ECSIT: variants seen among roughly 807,000 people sequenced by gnomAD.
ECSIT encodes evolutionarily conserved signaling intermediate in Toll pathway, mitochondrial.
Under a neutral mutation model 36.8 loss-of-function variants are expected in ECSIT, and 29 were observed. The ratio of observed to expected loss-of-function variants is 0.79; its 90% confidence interval spans 0.59 to 1.08. The LOEUF (loss-of-function observed/expected upper bound fraction) is 1.08, where lower values mean the gene tolerates loss of function less well. ECSIT is among the 50% of genes least tolerant of loss of function. ECSIT has a pLI of 0.00. For synonymous variants in ECSIT, 231 were observed against 234.8 expected (o/e 0.98, Z 0.15); for missense variants, 542 against 581.0 (o/e 0.93, Z 0.69).
intron 4 of ECSIT, among the ~76,000 whole-genome samples, chr19:11,511,270 C>T (rs917782571): frequency 2.0e-5 from 3 of 152,168 alleles, no homozygotes; most frequent in Admixed American, 6.5e-5. Context: ...GGGTGTTACT[C>T]CACTCAGTCA....
chr19:11,523,319 A>T (rs114520541), intron 1 of ECSIT: 2,575 of 223,508 alleles, frequency 0.012, 68 homozygotes, highest in African/African-American at 0.054. Context: ...TTATAGTATT[A>T]TATATATATA....
chr19:11,511,775 G>A (rs1037032355), intron 4 of ECSIT, among the ~76,000 whole-genome samples: 1 of 151,974 alleles, frequency 6.6e-6, no homozygotes, highest in African/African-American at 2.4e-5. Context: ...TGGCTCACGC[G>A]TGTAATCCCA....
intron 6 of ECSIT, 66 bp from the exon 7 acceptor site, chr19:11,507,628 C>G (rs1971778485): frequency 6.2e-7 from 1 of 1,613,592 alleles, no homozygotes; most frequent in Non-Finnish European, 8.5e-7. Context: ...CCTCCTCCAG[C>G]CTCTCCCATG....
rs562178834 is a variant in ECSIT at position 11,518,934 on chromosome 19, A to G, written c.96+141T>C. The G allele has an allele frequency of 1.5e-5, 11 of 720,070 alleles. No homozygotes were observed. In the South Asian group the frequency reaches 1.7e-4, roughly 11 times the overall value. 44.6% of individuals were successfully genotyped at this position (720,070 alleles called of 1,614,324 possible). A position where few individuals can be genotyped will look rare whatever the true frequency, so the allele number is the denominator to read the frequency against. ...TAAACATACATACATACATAAACTA[A>G]GGACTTTTAATGGGACCTCGGCACT... On this transcript the variant is annotated intron_variant, in intron 2 of 7. Transcript: ENST00000270517.
At chr19:11,524,150 G>T (rs908382752) in intron 1 of ECSIT, among the ~76,000 whole-genome samples, 1 of 151,864 alleles carries the variant, frequency 6.6e-6, no homozygotes, top group Non-Finnish European at 1.5e-5. Context: ...AAACTCCTGG[G>T]CTCAAGCAAT....
In ECSIT at chr19:11,514,172, C is replaced by T. The variant is rs780846865; in HGVS notation, c.146G>A (p.Ser49Asn). ...GCTGGGAACCAGGGACTGTTCAGAG[C>T]TATGGGCAGCTGCGCTGCAGTGGAG... The part of the protein sequence containing the change: ...RGLHCSAAAH[S>N]SEQSLVPSPP... Residue 49 changes from serine (S) to asparagine (N), a missense_variant, in exon 3 of 8, where the codon AGC (serine) becomes AAC (asparagine). Ser to Asn is a conservative substitution (Grantham distance 46). Transcript: ENST00000270517. 3 of 1,611,268 alleles carry T rather than the reference C, an allele frequency of 1.9e-6. No homozygotes were observed. The highest frequency in any genetic ancestry group is 1.3e-5 in the African/African-American group (1 of 74,932).
In ECSIT at chr19:11,513,991, G is replaced by A. The variant is rs1971932595; in HGVS notation, c.327C>T (p.Phe109=). ...HSVRKRGHID[F]IYLALRKMRE... ...GCATCTTGCGCAGGGCCAGGTAGAT[G>A]AAGTCAATGTGGCCCCGCTTACGCA... The change falls in exon 3 of 8, where the codon TTC becomes TTT. Residue 109 remains phenylalanine, a synonymous_variant. Transcript: ENST00000270517. The A allele has an allele frequency of 6.2e-7, 1 of 1,614,132 alleles. No homozygotes were observed. Among genetic ancestry groups the A allele is most frequent in the African/African-American group, 1.3e-5 (1 of 74,950 alleles).
At chr19:11,523,810 G>A in intron 1 of ECSIT, 2 of 629,166 alleles carry the variant, frequency 3.2e-6, no homozygotes, top group South Asian at 2.9e-5. Flanking sequence ...TCATCCAAGA[G>A]TACTTCAAAT....
Position 11,519,335 on chromosome 19 carries a change from G to A in ECSIT, c.-23-142C>T. ...GTTTACCTTACCCAAGAAACAGGCT[G>A]ATGACTCAAAGACTTTGTTCTTGGG... On this transcript the variant is annotated intron_variant, in intron 1 of 7. Transcript: ENST00000270517. The surrounding 1 kb of genome is among the most constrained non-coding windows in gnomAD (Gnocchi z 4.4). 1 of 688,102 alleles carries A rather than the reference G, an allele frequency of 1.5e-6. No individual in the cohort carries two copies. Among genetic ancestry groups the A allele is most frequent in the East Asian group, 2.7e-5 (1 of 37,032 alleles). The allele number at this position is 688,102 out of a possible 1,614,324, so 42.6% of individuals were successfully genotyped here.
chr19:11,506,529 CTTTTTTTTT>C, intron 7 of ECSIT, 101 bp from the exon 8 acceptor site: 6 of 677,006 alleles, frequency 8.9e-6, no homozygotes, highest in Non-Finnish European at 9.6e-6. Context: ...CTTCCACTTC[CTTTTTTTTT>C]TTTTTTTTTT....
intron 1 of ECSIT, among the ~76,000 whole-genome samples, chr19:11,521,134 G>A (rs1381292042): frequency 6.6e-6 from 1 of 152,128 alleles, no homozygotes; most frequent in Admixed American, 6.6e-5. Context: ...ACCAGGTTTT[G>A]TATGGCTATA....
chr19:11,520,494 A>C (rs748525336), intron 1 of ECSIT, among the ~76,000 whole-genome samples: 1 of 149,906 alleles, frequency 6.7e-6, no homozygotes, highest in Non-Finnish European at 1.5e-5. Flanking sequence ...TTCAAGGTTC[A>C]TGCATAGATT....
rs1971722054 is a variant in ECSIT at position 11,505,938 on chromosome 19, C to G, written c.*246G>C. 9 of 894,530 alleles carry G rather than the reference C, an allele frequency of 1.0e-5. No homozygotes were observed. The highest frequency in any genetic ancestry group is 3.7e-5 in the South Asian group (2 of 53,710). 55.4% of individuals were successfully genotyped at this position (894,530 alleles called of 1,614,324 possible). On this transcript the variant is annotated 3_prime_UTR_variant, in exon 8 of 8. Coordinates refer to ENST00000270517, the MANE Select transcript of ECSIT (RefSeq NM_016581.5). ...GAATGGAAACTGCGCATGCGCACAA[C>G]CAACAGCGCTCCCGCCCCTTTTTAT...
At chr19:11,508,383 ATTT>A (rs34929827) in intron 4 of ECSIT, among the ~76,000 whole-genome samples, 1 of 124,044 alleles carries the variant, frequency 8.1e-6, no homozygotes. Flanking sequence ...CTTAATTCCG[ATTT>A]TTTTTTTTTT....
In ECSIT at chr19:11,513,971, T is replaced by A; in HGVS notation, c.347A>T (p.Lys116Met). The A allele has an allele frequency of 1.2e-6, 2 of 1,614,240 alleles. No individual in the cohort carries two copies. Among genetic ancestry groups the A allele is most frequent in the South Asian group, 2.2e-5 (2 of 91,084 alleles). Residue 116 changes from lysine (K) to methionine (M), a missense_variant, in exon 3 of 8, where the codon AAG (lysine) becomes ATG (methionine). Lys to Met is a moderately conservative substitution (Grantham distance 95). Coordinates refer to ENST00000270517, the MANE Select transcript of ECSIT (RefSeq NM_016581.5). ...CCGCTCGACACCATACTCCCGCATCTTGCGCAGGGCCAGGTAGATGAAGTC... is the reference window on the plus strand; with the variant it reads ...CCGCTCGACACCATACTCCCGCATCATGCGCAGGGCCAGGTAGATGAAGTC... ...HIDFIYLALR[K>M]MREYGVERDL...
At chr19:11,522,257 A>G (rs1972120156) in intron 1 of ECSIT, 2 of 630,316 alleles carry the variant, frequency 3.2e-6, no homozygotes, top group African/African-American at 3.7e-5. Context: ...TACCAGGAAT[A>G]TTGGGACCTG....
intron 4 of ECSIT, among the ~76,000 whole-genome samples, chr19:11,511,387 G>A (rs949771436): frequency 2.6e-5 from 4 of 152,126 alleles, no homozygotes; most frequent in South Asian, 4.1e-4. Flanking sequence ...AGCCAAGCAC[G>A]GTGAAGGGGT....
intron 1 of ECSIT, among the ~76,000 whole-genome samples, chr19:11,528,027 C>A (rs992753370): frequency 3.3e-5 from 5 of 152,078 alleles, no homozygotes; most frequent in Non-Finnish European, 7.4e-5. Flanking sequence ...TAAATAAAAT[C>A]AGATAGGGTC....
At chr19:11,511,458 G>A (rs943824718) in intron 4 of ECSIT, among the ~76,000 whole-genome samples, 7 of 152,118 alleles carry the variant, frequency 4.6e-5, no homozygotes, top group African/African-American at 7.2e-5. Context: ...AGCTGAGACC[G>A]GAATAACATG....
Sources: gnomAD v4.1 joint callset for allele counts (sites outside exome capture counted in the v4.1 genomes callset) on GRCh38, gnomAD v4.1.1 for gene constraint, Gnocchi (gnomAD v3.1) non-coding constraint, MANE v1.5 for transcripts, NCBI Gene and HGNC (gene_info 2026-07-23, HGNC 2026-07-21) for gene names.